Variants in TBC1D16 observed in about 807,000 individuals in gnomAD.
TBC1D16 encodes the protein TBC1 domain family member 16, also known as CTD-2529O21.1.
TBC1D16 carries 58 observed loss-of-function variants against 74.7 expected under a neutral mutation model. That is an observed-to-expected ratio of 0.78 (90% CI 0.63 to 0.97). The LOEUF (loss-of-function observed/expected upper bound fraction) is 0.97, where lower values mean the gene tolerates loss of function less well. TBC1D16 is among the 50% of genes least tolerant of loss of function. TBC1D16 has a pLI of 0.00. For synonymous variants in TBC1D16, 493 were observed against 474.7 expected (o/e 1.04, Z -0.50); for missense variants, 1,014 against 1,079.5 (o/e 0.94, Z 0.85).
At chr17:79,970,579 C>T (rs559670930) in intron 3 of TBC1D16, among the ~76,000 whole-genome samples, 6 of 152,242 alleles carry the variant, frequency 3.9e-5, no homozygotes, top group South Asian at 4.2e-4. Flanking sequence ...CTGCAGACAA[C>T]GAGACAAGGT....
chr17:79,996,574 A>G (rs1158722825), intron 3 of TBC1D16, among the ~76,000 whole-genome samples: 13 of 152,168 alleles, frequency 8.5e-5, no homozygotes, highest in Non-Finnish European at 1.8e-4. Context: ...ACAGTTTAGC[A>G]ATTGCTTTAA....
Position 80,007,607 on chromosome 17 carries a change from G to A in TBC1D16, c.779+2553C>T, listed in dbSNP as rs1276486908. Among the ~76,000 whole-genome samples the A allele has an allele frequency of 1.6e-4, 24 of 152,156 alleles. No individual in the cohort carries two copies. The highest frequency in any genetic ancestry group is 1.2e-3 in the Admixed American group (18 of 15,284). On this transcript the variant is annotated intron_variant, in intron 3 of 11. Coordinates refer to ENST00000310924, the MANE Select transcript of TBC1D16 (RefSeq NM_019020.4). This position sits in a 1 kb window ranked among gnomAD's most constrained non-coding sequence, Gnocchi z 4.5. ...GAGGGCCCTCCTCAGCCCAGGGTTC[G>A]GGGGAATAGAGAAGCCTCCCCCAAA...
At position 79,985,959 on chromosome 17, in the gene TBC1D16, A is replaced by G. The variant is rs1259778826; in HGVS notation, c.779+24201T>C. The stretch of plus-strand genomic sequence containing the variant: ...AATAAGAAAGCAGAAAGGTTATGAA[A>G]AACCATTTTTCCCAACGAAACTCTT... On this transcript the variant is annotated intron_variant, in intron 3 of 11. Transcript: ENST00000310924. The surrounding 1 kb of genome is among the most constrained non-coding windows in gnomAD (Gnocchi z 4.9). Among the ~76,000 whole-genome samples the G allele has an allele frequency of 1.3e-5, 2 of 152,244 alleles. No homozygotes were observed. The highest frequency in any genetic ancestry group is 1.9e-4 in the East Asian group (1 of 5,198).
At position 79,985,494 on chromosome 17, in the gene TBC1D16, G is replaced by T. The variant is rs2144377389; in HGVS notation, c.779+24666C>A. Among the ~76,000 whole-genome samples the T allele has an allele frequency of 6.6e-6, 1 of 152,258 alleles. No homozygotes were observed. The highest frequency in any genetic ancestry group is 1.9e-4 in the East Asian group (1 of 5,180). Reference sequence around the variant, plus strand: ...TCGGCTGTGGGTGCGAAGCAGGACTGCCCCCCAAGGCCAGGCAGGTCCTCG... The same window carrying T: ...TCGGCTGTGGGTGCGAAGCAGGACTTCCCCCCAAGGCCAGGCAGGTCCTCG... On this transcript the variant is annotated intron_variant, in intron 3 of 11. Transcript: ENST00000310924. The surrounding 1 kb of genome is among the most constrained non-coding windows in gnomAD (Gnocchi z 4.9).
chr17:80,030,491 T>C (rs894308), intron 1 of TBC1D16, among the ~76,000 whole-genome samples: 150,079 of 152,290 alleles, frequency 0.99, 73,989 homozygotes, highest in Middle Eastern at 1. Context: ...CTAAAGGGCT[T>C]CATCAGTTCC....
rs148450868 is a variant in TBC1D16, at chr17:79,952,698, G to A, written c.900C>T (p.Arg300=). 2.9e-5 allele frequency: 47 copies of A among 1,610,190 alleles called. No homozygotes were observed. In the African/African-American group the frequency reaches 2.9e-4, roughly 10 times the overall value. The change falls in exon 4 of 12, where the codon CGC becomes CGT. Residue 300 remains arginine (R), a synonymous_variant. Transcript: ENST00000310924. ...GGGAGCGCATGTGGCCCAGGTCCAC[G>A]CGGAACACGCCGCAAATCTGCTCCA... ...CALEQICGVF[R]VDLGHMRSLR...
intron 3 of TBC1D16, 94 bp from the exon 4 acceptor site, chr17:79,952,912 C>T (rs1041862308): frequency 1.1e-5 from 16 of 1,445,452 alleles, no homozygotes; most frequent in South Asian, 5.2e-5. Context: ...TTTAAACCTA[C>T]GCACCAAGCT....
chr17:79,994,430 A>T lies in TBC1D16; in HGVS notation c.779+15730T>A, dbSNP rs563479096. Among the ~76,000 whole-genome samples the T allele has an allele frequency of 3.3e-5, 5 of 151,928 alleles. No individual in the cohort carries two copies. Among genetic ancestry groups the T allele is most frequent in the African/African-American group, 1.2e-4 (5 of 41,360 alleles). On this transcript the variant is annotated intron_variant, in intron 3 of 11. Transcript: ENST00000310924. This position sits in a 1 kb window ranked among gnomAD's most constrained non-coding sequence, Gnocchi z 4.6. ...TATTTTGTTTTGTTTTGTTTTGTTT[A>T]TTTTTTTATTGAGACGAAGTCTCAC...
intron 1 of TBC1D16, among the ~76,000 whole-genome samples, chr17:80,016,291 G>A (rs1332581429): frequency 6.6e-6 from 1 of 151,928 alleles, no homozygotes; most frequent in Non-Finnish European, 1.5e-5. Flanking sequence ...ATGTTTAAGG[G>A]GGACAGAGCT....
chr17:79,990,919 C>A lies in TBC1D16; in HGVS notation c.779+19241G>T, dbSNP rs2035033135. ...CGTGTTGCGGCGCGTGTCAGAATTG[C>A]CTTCCCAAGGCTGAACGTTCCGCTG... is the stretch of plus-strand genomic sequence containing the variant. On this transcript the variant is annotated intron_variant, in intron 3 of 11. Coordinates refer to ENST00000310924, the MANE Select transcript of TBC1D16 (RefSeq NM_019020.4). The surrounding 1 kb of genome is among the most constrained non-coding windows in gnomAD (Gnocchi z 4.8). Among the ~76,000 whole-genome samples the A allele has an allele frequency of 6.6e-6, 1 of 152,220 alleles. No individual in the cohort carries two copies. The highest frequency in any genetic ancestry group is 2.1e-4 in the South Asian group (1 of 4,830).
intron 9 of TBC1D16, among the ~76,000 whole-genome samples, chr17:79,945,980 G>A (rs1027120795): frequency 6.6e-6 from 1 of 152,160 alleles, no homozygotes; most frequent in Non-Finnish European, 1.5e-5. Context: ...TGTGGCCTAC[G>A]GCCAGGTCAA....
rs367776507 is a variant in TBC1D16, at chr17:80,010,639, G to A, written c.300C>T (p.Pro100=). 1.2e-4 allele frequency: 195 copies of A among 1,570,288 alleles called. No homozygotes were observed. Among genetic ancestry groups the A allele is most frequent in the Non-Finnish European group, 1.5e-4 (178 of 1,161,170 alleles). Residue 100 remains proline, a synonymous_variant, in exon 3 of 12, where the codon CCC becomes CCT. Coordinates refer to ENST00000310924, the MANE Select transcript of TBC1D16 (RefSeq NM_019020.4). The surrounding 1 kb of genome is among the most constrained non-coding windows in gnomAD (Gnocchi z 8.8). ...QDEEALRYIT[P]ESSPVRKAPR... ...GTGCCTTGCGAACGGGGGAGCTCTC[G>A]GGTGTGATGTAGCGCAGGGCCTCCT...
chr17:79,951,095 T>C (rs2033017037), intron 5 of TBC1D16, among the ~76,000 whole-genome samples: 1 of 152,214 alleles, frequency 6.6e-6, no homozygotes, highest in Non-Finnish European at 1.5e-5. Context: ...AGCAGGAGGC[T>C]CTGCGGGAAG....
rs1312989394 is a variant in TBC1D16 at position 79,941,818 on chromosome 17, G to A, written c.2055+242C>T. 6.6e-6 allele frequency among the ~76,000 whole-genome samples: 1 copy of A among 152,202 alleles called. No homozygotes were observed. The highest frequency in any genetic ancestry group is 1.5e-5 in the Non-Finnish European group (1 of 68,024). On this transcript the variant is annotated intron_variant, in intron 11 of 11. Transcript: ENST00000310924. The surrounding 1 kb of genome is among the most constrained non-coding windows in gnomAD (Gnocchi z 4.3). ...CCAGCGAGGGAGGCTCCTGTGTCAG[G>A]GCTGGCACCCCAGGAAAGTGAGGTG...
rs2032024129 is a variant in TBC1D16, at chr17:79,941,806, C to T, written c.2055+254G>A. Among the ~76,000 whole-genome samples, 1 of 152,204 alleles carries T rather than the reference C, an allele frequency of 6.6e-6. No homozygotes were observed. The highest frequency in any genetic ancestry group is 2.1e-4 in the South Asian group (1 of 4,838). ...TTCCCTCCTCAGCCAGCGAGGGAGG[C>T]TCCTGTGTCAGGGCTGGCACCCCAG... On this transcript the variant is annotated intron_variant, in intron 11 of 11. Coordinates refer to ENST00000310924, the MANE Select transcript of TBC1D16 (RefSeq NM_019020.4). This position sits in a 1 kb window ranked among gnomAD's most constrained non-coding sequence, Gnocchi z 4.3.
chr17:79,974,522 G>A (rs2034249472), intron 3 of TBC1D16, among the ~76,000 whole-genome samples: 1 of 152,206 alleles, frequency 6.6e-6, no homozygotes, highest in Non-Finnish European at 1.5e-5. Flanking sequence ...ACAGGTGTGA[G>A]CCACTGTGCC....
At chr17:80,006,214 TTCTC>T (rs769609287) in intron 3 of TBC1D16, among the ~76,000 whole-genome samples, 5 of 147,736 alleles carry the variant, frequency 3.4e-5, no homozygotes, top group Non-Finnish European at 4.5e-5. Flanking sequence ...CTCGCTCTCT[TTCTC>T]TCTTTCTTTC....
intron 1 of TBC1D16, among the ~76,000 whole-genome samples, chr17:80,034,461 C>A (rs1014588409): frequency 3.3e-5 from 5 of 152,144 alleles, no homozygotes; most frequent in African/African-American, 4.8e-5. Context: ...CTCGTCCTCC[C>A]AAAGTGCTGG....
At position 79,986,593 on chromosome 17, in the gene TBC1D16, T is replaced by C. The variant is rs2034844558; in HGVS notation, c.779+23567A>G. On this transcript the variant is annotated intron_variant, in intron 3 of 11. Transcript: ENST00000310924. This position sits in a 1 kb window ranked among gnomAD's most constrained non-coding sequence, Gnocchi z 6.0. ...CTGCCGAAGCCTGGCCTTTGAAGGATGAACGGCAAGGGGTATGTCTGCCCT... is the reference window on the plus strand; with the variant it reads ...CTGCCGAAGCCTGGCCTTTGAAGGACGAACGGCAAGGGGTATGTCTGCCCT... Among the ~76,000 whole-genome samples, 1 of 152,182 alleles carries C rather than the reference T, an allele frequency of 6.6e-6. No individual in the cohort carries two copies. The highest frequency in any genetic ancestry group is 2.1e-4 in the South Asian group (1 of 4,828).
Sources: gnomAD v4.1 joint callset for allele counts (sites outside exome capture counted in the v4.1 genomes callset) on GRCh38, gnomAD v4.1.1 for gene constraint, Gnocchi (gnomAD v3.1) non-coding constraint, MANE v1.5 for transcripts, NCBI Gene and HGNC (gene_info 2026-07-23, HGNC 2026-07-21) for gene names.